MTMR3: variants seen among roughly 807,000 people sequenced by gnomAD.
MTMR3 encodes phosphatidylinositol-3,5-bisphosphate 3-phosphatase MTMR3.
In MTMR3, 32 loss-of-function variants were observed where a neutral mutation model predicts 132.4. That is an observed-to-expected ratio of 0.24 (90% CI 0.18 to 0.32). The LOEUF is 0.32. MTMR3 is among the 10% of genes least tolerant of loss of function. The pLI is 1.00. For synonymous variants in MTMR3, 556 were observed against 550.3 expected, an observed-to-expected ratio of 1.01 and a Z score of -0.14; for missense variants, 1,216 against 1,489.6, an observed-to-expected ratio of 0.82 and a Z score of 3.02.
In MTMR3 at chr22:30,003,191, T is replaced by G. The variant is rs966605656; in HGVS notation, c.671+198T>G. ...GACTGCATTCAGAACACTAGCTGGT[T>G]GTTCATTTGAAACAGATAAGAAAGT... On this transcript the variant is annotated intron_variant, in intron 9 of 19. Coordinates refer to ENST00000401950, the MANE Select transcript of MTMR3 (RefSeq NM_021090.4). The G allele has an allele frequency of 3.2e-5, 14 of 435,198 alleles. No homozygotes were observed. In the Admixed American group the frequency reaches 4.1e-4, roughly 13 times the overall value. 27.0% of individuals were successfully genotyped at this position (435,198 alleles called of 1,614,324 possible).
intron 1 of MTMR3, among the ~76,000 whole-genome samples, chr22:29,924,668 A>G (rs9625887): frequency 0.1 from 15,427 of 152,230 alleles, 801 homozygotes; most frequent in Middle Eastern, 0.14. Context: ...CATCTTCACA[A>G]TATAAAGTCT....
chr22:29,912,270 A>G (rs560289201), intron 1 of MTMR3, among the ~76,000 whole-genome samples: 7 of 152,070 alleles, frequency 4.6e-5, no homozygotes, highest in Admixed American at 1.3e-4. Flanking sequence ...TCTTTTTATT[A>G]TTTATTTATG....
Position 29,950,162 on chromosome 22 carries a change from A to T in MTMR3, c.-137-6874A>T, listed in dbSNP as rs984719171. On this transcript the variant is annotated intron_variant, in intron 1 of 19. Coordinates refer to ENST00000401950, the MANE Select transcript of MTMR3 (RefSeq NM_021090.4). ...CTAGTCTTTCTGATCTTTCCAAAGC[A>T]GTTATAAATATTGAAGTACCTCTGG... Among the ~76,000 whole-genome samples the T allele has an allele frequency of 2.6e-5, 4 of 152,344 alleles. No individual in the cohort carries two copies. In the East Asian group the frequency reaches 7.7e-4, roughly 29 times the overall value.
At chr22:30,008,525 G>C (rs531841724) in intron 11 of MTMR3, 1 of 161,578 alleles carries the variant, frequency 6.2e-6, no homozygotes, top group Admixed American at 6.0e-5. Flanking sequence ...TGGAATGCTA[G>C]CTTTCCCCAA....
At chr22:29,918,402 T>G (rs2065348128) in intron 1 of MTMR3, among the ~76,000 whole-genome samples, 1 of 152,238 alleles carries the variant, frequency 6.6e-6, no homozygotes, top group Admixed American at 6.5e-5. Flanking sequence ...ATGTTTTAGT[T>G]TCTCTTTTTG....
At chr22:29,900,403 T>C (rs562703528) in intron 1 of MTMR3, among the ~76,000 whole-genome samples, 19 of 152,332 alleles carry the variant, frequency 1.2e-4, no homozygotes, top group African/African-American at 4.6e-4. Context: ...TATAGAGTAC[T>C]GTTGCTAAAT....
At chr22:29,905,980 C>T (rs1344559501) in intron 1 of MTMR3, among the ~76,000 whole-genome samples, 2 of 152,108 alleles carry the variant, frequency 1.3e-5, no homozygotes, top group African/African-American at 4.8e-5. Context: ...TTCTGAGCAT[C>T]TGAAAGTCTA....
At chr22:29,977,860 T>G (rs1194697803) in intron 3 of MTMR3, among the ~76,000 whole-genome samples, 2 of 152,144 alleles carry the variant, frequency 1.3e-5, no homozygotes, top group African/African-American at 4.8e-5. Flanking sequence ...TTAAAAGTAG[T>G]GTGGGGCTGG....
At chr22:29,963,483 G>C (rs896334122) in intron 2 of MTMR3, among the ~76,000 whole-genome samples, 4 of 149,878 alleles carry the variant, frequency 2.7e-5, no homozygotes, top group African/African-American at 9.8e-5. Context: ...TCTGTCTCTC[G>C]GGTTCAAGTG....
chr22:29,931,241 CAG>C (rs2065637679), intron 1 of MTMR3, among the ~76,000 whole-genome samples: 1 of 152,124 alleles, frequency 6.6e-6, no homozygotes, highest in Admixed American at 6.5e-5. Context: ...GGAAGGAAGA[CAG>C]TAGTTTAATC....
At position 30,028,188 on chromosome 22, in the gene MTMR3, T is replaced by G. The variant is rs1201096501; in HGVS notation, c.*2387T>G. On this transcript the variant is annotated 3_prime_UTR_variant, in exon 20 of 20. Transcript: ENST00000401950. Reference sequence around the variant, plus strand: ...ACTACCTCTCGCCTCAAGGCTCCATTTTTAGCTGCTGCTCTGATTTCAGGG... The same window carrying G: ...ACTACCTCTCGCCTCAAGGCTCCATGTTTAGCTGCTGCTCTGATTTCAGGG... 1 of 152,382 alleles carries G rather than the reference T, an allele frequency of 6.6e-6. No individual in the cohort carries two copies. The highest frequency in any genetic ancestry group is 1.5e-5 in the Non-Finnish European group (1 of 68,050). 9.4% of individuals were successfully genotyped at this position (152,382 alleles called of 1,614,324 possible).
At chr22:29,899,592 G>A (rs1241452466) in intron 1 of MTMR3, 3 of 152,192 alleles carry the variant, frequency 2.0e-5, no homozygotes, top group Non-Finnish European at 2.9e-5. Context: ...AATTAAGAAA[G>A]ATGGAAAGCC....
chr22:29,990,986 G>T (rs529290388), intron 6 of MTMR3: 6 of 152,486 alleles, frequency 3.9e-5, no homozygotes, highest in African/African-American at 1.4e-4. Context: ...TTCTCTACAT[G>T]GTCATAGCTG....
At chr22:29,956,676 T>C (rs946459155) in intron 1 of MTMR3, among the ~76,000 whole-genome samples, 37 of 152,318 alleles carry the variant, frequency 2.4e-4, no homozygotes, top group African/African-American at 8.9e-4. Flanking sequence ...TCTGTGATCT[T>C]TTTAGTTTTG....
At chr22:29,991,209 G>GAATA (rs2066954631) in intron 6 of MTMR3, 2 of 197,094 alleles carry the variant, frequency 1.0e-5, no homozygotes, top group Non-Finnish European at 2.0e-5. Flanking sequence ...TCATGAAAGA[G>GAATA]AATAGCTGCC....
rs1361480616 is a variant in MTMR3 at position 30,027,634 on chromosome 22, G to C, written c.*1833G>C. 6.5e-6 allele frequency: 1 copy of C among 152,728 alleles called. No individual in the cohort carries two copies. Among genetic ancestry groups the C allele is most frequent in the African/African-American group, 2.4e-5 (1 of 41,422 alleles). 9.5% of individuals were successfully genotyped at this position (152,728 alleles called of 1,614,324 possible). A position where few individuals can be genotyped will look rare whatever the true frequency, so the allele number is the denominator to read the frequency against. On this transcript the variant is annotated 3_prime_UTR_variant, in exon 20 of 20. Coordinates refer to ENST00000401950, the MANE Select transcript of MTMR3 (RefSeq NM_021090.4). ...TGATGTACAGTGTGAATAAATGCTT[G>C]CAGCTCTTAGCTCTTTTTTGATCGA...
At chr22:29,929,812 TCATA>T (rs2065605710) in intron 1 of MTMR3, among the ~76,000 whole-genome samples, 1 of 152,096 alleles carries the variant, frequency 6.6e-6, no homozygotes, top group Non-Finnish European at 1.5e-5. Flanking sequence ...GCGCCCGGCC[TCATA>T]GAAGGTTTTT....
chr22:30,009,158 GC>G, intron 12 of MTMR3, 29 bp downstream of exon 12: 2 of 1,466,900 alleles, frequency 1.4e-6, no homozygotes, highest in Non-Finnish European at 1.9e-6. Flanking sequence ...CTTTCATTTT[GC>G]ATTGCTCTTA....
intron 11 of MTMR3, chr22:30,008,410 A>G (rs988341192): frequency 2.2e-5 from 4 of 178,588 alleles, no homozygotes; most frequent in Non-Finnish European, 4.8e-5. Context: ...CCTTGTAGCA[A>G]ACTCCTCAAG....
Sources: gnomAD v4.1 joint callset for allele counts (sites outside exome capture counted in the v4.1 genomes callset) on GRCh38, gnomAD v4.1.1 for gene constraint, MANE v1.5 for transcripts, NCBI Gene and HGNC (gene_info 2026-07-23, HGNC 2026-07-21) for gene names.